Variants in SLC35F1 observed in about 807,000 individuals in gnomAD.
The protein encoded by SLC35F1 is solute carrier family 35 member F1.
In SLC35F1, 14 loss-of-function variants were observed where a neutral mutation model predicts 48.7. That is an observed-to-expected ratio of 0.29 (90% CI 0.19 to 0.45). The LOEUF is 0.45. SLC35F1 is among the 20% of genes least tolerant of loss of function. The probability of loss-of-function intolerance (pLI) is 1.00; values close to 1 mark genes in which losing one functional copy is unlikely to be tolerated. For synonymous variants in SLC35F1, 190 were observed against 202.2 expected (o/e 0.94, Z 0.51); for missense variants, 404 against 500.0 (o/e 0.81, Z 1.83).
chr6:118,244,735 A>G (rs1562337687), intron 3 of SLC35F1, among the ~76,000 whole-genome samples: 1 of 152,224 alleles, frequency 6.6e-6, no homozygotes, highest in Admixed American at 6.5e-5. Flanking sequence ...GTTTGTAAAA[A>G]TCTTTGAAAG....
At chr6:118,127,309 C>G (rs1033206529) in intron 1 of SLC35F1, among the ~76,000 whole-genome samples, 8 of 152,150 alleles carry the variant, frequency 5.3e-5, no homozygotes, top group African/African-American at 1.9e-4. Flanking sequence ...ATTGAAACAG[C>G]CTTGCATCCC....
At chr6:117,916,828 A>G (rs1430417483) in intron 1 of SLC35F1, among the ~76,000 whole-genome samples, 1 of 124,970 alleles carries the variant, frequency 8.0e-6, no homozygotes, top group African/African-American at 2.5e-5. Flanking sequence ...ATACAGCTTC[A>G]CCTCAAGCTC....
intron 2 of SLC35F1, among the ~76,000 whole-genome samples, chr6:118,172,263 C>A (rs1024946687): frequency 2.0e-5 from 3 of 152,008 alleles, no homozygotes; most frequent in Admixed American, 1.3e-4. Flanking sequence ...GGTAGGTTTA[C>A]TGGTGTTGAA....
At chr6:118,287,119 A>T (rs774688735) in intron 7 of SLC35F1, among the ~76,000 whole-genome samples, 1 of 152,180 alleles carries the variant, frequency 6.6e-6, no homozygotes, top group Non-Finnish European at 1.5e-5. Context: ...CTTGGTCCTC[A>T]TAAGGGTAAA....
At chr6:118,299,206 T>A (rs1317172332) in intron 7 of SLC35F1, among the ~76,000 whole-genome samples, 1 of 152,116 alleles carries the variant, frequency 6.6e-6, no homozygotes, top group Non-Finnish European at 1.5e-5. Flanking sequence ...TAAAACCTTT[T>A]ATTGGCATAG....
chr6:118,047,359 G>T (rs1772315977), intron 1 of SLC35F1, among the ~76,000 whole-genome samples: 1 of 152,104 alleles, frequency 6.6e-6, no homozygotes, highest in Non-Finnish European at 1.5e-5. Context: ...TCACAAATTT[G>T]GTGCCCTCAG....
intron 7 of SLC35F1, among the ~76,000 whole-genome samples, chr6:118,295,533 A>G (rs890341215): frequency 6.6e-5 from 10 of 152,210 alleles, no homozygotes; most frequent in Non-Finnish European, 1.5e-4. Flanking sequence ...TCCTGAGCCA[A>G]GCAACCCTGT....
chr6:117,976,262 T>C (rs1776704512), intron 1 of SLC35F1, among the ~76,000 whole-genome samples: 1 of 152,194 alleles, frequency 6.6e-6, no homozygotes, highest in African/African-American at 2.4e-5. Flanking sequence ...ATGCCTATAG[T>C]GGCAACAAGA....
intron 1 of SLC35F1, 82 bp from the exon 2 acceptor site, chr6:118,154,363 A>C: frequency 2.5e-6 from 3 of 1,199,110 alleles, no homozygotes; most frequent in South Asian, 3.0e-5. Flanking sequence ...GCATGCTACC[A>C]GTGCTCAAAA....
At chr6:118,046,221 A>T (rs1378727726) in intron 1 of SLC35F1, among the ~76,000 whole-genome samples, 1 of 152,168 alleles carries the variant, frequency 6.6e-6, no homozygotes, top group East Asian at 1.9e-4. Flanking sequence ...TACCAAGTGA[A>T]ATTTGGCTTC....
At chr6:118,140,028 T>C (rs1773860093) in intron 1 of SLC35F1, among the ~76,000 whole-genome samples, 1 of 152,236 alleles carries the variant, frequency 6.6e-6, no homozygotes, top group Admixed American at 6.5e-5. Flanking sequence ...GCCATTCCCA[T>C]TTCTTTTATT....
chr6:118,224,713 C>G (rs1342881384), intron 2 of SLC35F1, among the ~76,000 whole-genome samples: 1 of 152,172 alleles, frequency 6.6e-6, no homozygotes, highest in Non-Finnish European at 1.5e-5. Flanking sequence ...TCAGATTGCT[C>G]TCTGTTGGTG....
chr6:117,965,988 A>G (rs1321153480), intron 1 of SLC35F1, among the ~76,000 whole-genome samples: 1 of 146,914 alleles, frequency 6.8e-6, no homozygotes, highest in Non-Finnish European at 1.5e-5. Flanking sequence ...CGCACCAGTC[A>G]GCACTCTGTC....
intron 1 of SLC35F1, among the ~76,000 whole-genome samples, chr6:118,149,989 C>CT (rs1774031495): frequency 6.6e-6 from 1 of 152,082 alleles, no homozygotes; most frequent in Non-Finnish European, 1.5e-5. Context: ...ATTTTTGCCA[C>CT]CAAAATAGTA....
At chr6:118,279,541 C>G (rs1033775994) in intron 6 of SLC35F1, among the ~76,000 whole-genome samples, 1 of 152,186 alleles carries the variant, frequency 6.6e-6, no homozygotes, top group African/African-American at 2.4e-5. Context: ...TTTCCTCTCT[C>G]ACCTCACAAA....
intron 1 of SLC35F1, among the ~76,000 whole-genome samples, chr6:118,127,138 A>C (rs1356759299): frequency 1.3e-5 from 2 of 150,594 alleles, no homozygotes. Flanking sequence ...AGCTCTTATT[A>C]TTTTGAGATA....
chr6:118,081,230 G>A (rs186946658), intron 1 of SLC35F1, among the ~76,000 whole-genome samples: 15 of 152,262 alleles, frequency 9.9e-5, no homozygotes, highest in African/African-American at 3.4e-4. Flanking sequence ...TTATAGAGAT[G>A]TTAAATGACA....
At chr6:118,299,621 G>A (rs1776232819) in intron 7 of SLC35F1, among the ~76,000 whole-genome samples, 1 of 152,194 alleles carries the variant, frequency 6.6e-6, no homozygotes, top group African/African-American at 2.4e-5. Context: ...ATTAGCATAA[G>A]AGATATTTGG....
intron 1 of SLC35F1, among the ~76,000 whole-genome samples, chr6:118,039,913 T>C (rs1232562801): frequency 1.3e-4 from 20 of 150,774 alleles, no homozygotes; most frequent in Non-Finnish European, 2.5e-4. Context: ...TGTTATAATC[T>C]TCTGAAGAAT....
Sources: allele counts gnomAD v4.1 joint callset (sites outside exome capture counted in the v4.1 genomes callset), GRCh38; gene constraint gnomAD v4.1.1; transcripts MANE v1.5; gene names NCBI Gene and HGNC (gene_info 2026-07-23, HGNC 2026-07-21).